PPP2R2A: variants seen among roughly 807,000 people sequenced by gnomAD.
PPP2R2A encodes serine/threonine-protein phosphatase 2A 55 kDa regulatory subunit B alpha isoform.
In PPP2R2A, 9 loss-of-function variants were observed where a neutral mutation model predicts 53.2. The observed-to-expected ratio is 0.17, with a 90% CI of 0.10 to 0.30. PPP2R2A has a LOEUF of 0.30. PPP2R2A is among the 10% of genes least tolerant of loss of function. The pLI, the probability that PPP2R2A is intolerant of heterozygous loss-of-function variation, is 1.00. For synonymous variants in PPP2R2A, 169 were observed against 174.2 expected (o/e 0.97, Z 0.23); for missense variants, 235 against 534.6 (o/e 0.44, Z 5.53).
In PPP2R2A at chr8:26,370,118, C is replaced by G; in HGVS notation, c.1065-16C>G. 6.2e-7 allele frequency: 1 copy of G among 1,607,448 alleles called. No individual in the cohort carries two copies. The highest frequency in any genetic ancestry group is 1.3e-5 in the African/African-American group (1 of 74,834). On this transcript the variant is annotated splice_polypyrimidine_tract_variant and intron_variant, in intron 9 of 9. Transcript: ENST00000380737. This position sits in a 1 kb window ranked among gnomAD's most constrained non-coding sequence, Gnocchi z 6.1. The stretch of plus-strand genomic sequence containing the variant: ...TGTTCTGCTTGTTTGACTGAGTGTA[C>G]TGTCTATTTTCACAGTGTTGTCATG...
chr8:26,298,337 T>C (rs2117191949), intron 2 of PPP2R2A, among the ~76,000 whole-genome samples: 2 of 152,372 alleles, frequency 1.3e-5, no homozygotes, highest in Admixed American at 1.3e-4. Flanking sequence ...GTTGTTCAAC[T>C]CTTCCGCTGG....
At chr8:26,307,717 C>CA (rs1398780372) in intron 2 of PPP2R2A, among the ~76,000 whole-genome samples, 2 of 152,154 alleles carry the variant, frequency 1.3e-5, no homozygotes, top group Non-Finnish European at 2.9e-5. Context: ...AATAAGTGCT[C>CA]AAGAGACTGA....
At chr8:26,369,911 T>G (rs1171070699) in intron 9 of PPP2R2A, among the ~76,000 whole-genome samples, 1 of 152,182 alleles carries the variant, frequency 6.6e-6, no homozygotes, top group Non-Finnish European at 1.5e-5. Context: ...CTGTCAACTT[T>G]GCTGATAGTT....
intron 2 of PPP2R2A, among the ~76,000 whole-genome samples, chr8:26,295,186 A>G (rs1801490962): frequency 6.6e-6 from 1 of 152,194 alleles, no homozygotes; most frequent in South Asian, 2.1e-4. Flanking sequence ...TTCCCTTAGG[A>G]AAGTTCCCCT....
intron 3 of PPP2R2A, among the ~76,000 whole-genome samples, chr8:26,344,023 C>T (rs1487230124): frequency 1.1e-4 from 17 of 152,114 alleles, no homozygotes; most frequent in Admixed American, 1.1e-3. Context: ...CTTTTGCCAG[C>T]TGGGGGCCCA....
chr8:26,297,835 A>G (rs892305545), intron 2 of PPP2R2A, among the ~76,000 whole-genome samples: 1 of 152,236 alleles, frequency 6.6e-6, no homozygotes, highest in Non-Finnish European at 1.5e-5. Flanking sequence ...GAGTATGAGT[A>G]TATTGAGGAT....
chr8:26,311,272 A>C (rs1165937564), intron 2 of PPP2R2A, among the ~76,000 whole-genome samples: 1 of 152,228 alleles, frequency 6.6e-6, no homozygotes, highest in Non-Finnish European at 1.5e-5. Flanking sequence ...CAGAATTAAC[A>C]GTTGATAGCA....
chr8:26,351,451 A>AGTGT (rs1804507682), intron 3 of PPP2R2A, among the ~76,000 whole-genome samples: 2 of 152,254 alleles, frequency 1.3e-5, no homozygotes, highest in African/African-American at 2.4e-5. Context: ...TTAGGTGTTC[A>AGTGT]GTGTGTGCCT....
intron 4 of PPP2R2A, among the ~76,000 whole-genome samples, chr8:26,357,283 AC>A (rs11365852): frequency 0.4 from 41,764 of 105,218 alleles, 7,720 homozygotes; most frequent in Admixed American, 0.51. Context: ...GCATAGTAAC[AC>A]CCCCCCCCCC....
At chr8:26,355,264 C>A (rs1449205821) in intron 4 of PPP2R2A, among the ~76,000 whole-genome samples, 2 of 152,126 alleles carry the variant, frequency 1.3e-5, no homozygotes, top group African/African-American at 4.8e-5. Context: ...GCCAAGGGAA[C>A]ATTTTTTGTT....
At chr8:26,333,456 C>T (rs778287246) in intron 2 of PPP2R2A, 2 of 1,094,856 alleles carry the variant, frequency 1.8e-6, no homozygotes, top group African/African-American at 3.2e-5. Context: ...CAGTTATAAC[C>T]CTCTTTGCAC....
At chr8:26,352,268 C>T (rs989150188) in intron 3 of PPP2R2A, among the ~76,000 whole-genome samples, 1 of 152,132 alleles carries the variant, frequency 6.6e-6, no homozygotes, top group Non-Finnish European at 1.5e-5. Context: ...GGTTATGTGT[C>T]TTCTTATTCA....
At position 26,354,689 on chromosome 8, in the gene PPP2R2A, C is replaced by T. The variant is rs1163491626; in HGVS notation, c.346+56C>T. The T allele has an allele frequency of 6.7e-6, 9 of 1,343,844 alleles. No individual in the cohort carries two copies. Among genetic ancestry groups the T allele is most frequent in the Admixed American group, 2.6e-5 (1 of 38,896 alleles). The allele number at this position is 1,343,844 out of a possible 1,614,324, so 83.2% of individuals were successfully genotyped here. ...CACTGTGTGTACCTGTTGCACATAT[C>T]CTGTAGCCTAGGAGAGGAATCATTT... On this transcript the variant is annotated intron_variant, in intron 4 of 9. Coordinates refer to ENST00000380737, the MANE Select transcript of PPP2R2A (RefSeq NM_002717.4). The surrounding 1 kb of genome is among the most constrained non-coding windows in gnomAD (Gnocchi z 4.6).
Position 26,310,656 on chromosome 8 carries a change from A to AT in PPP2R2A, c.82+16926dup, listed in dbSNP as rs201838902. Among the ~76,000 whole-genome samples, 563 of 112,096 alleles carry AT rather than the reference A, an allele frequency of 5.0e-3. 2 individuals carry two copies. Among genetic ancestry groups the AT allele is most frequent in the African/African-American group, 0.016 (467 of 29,576 alleles). 73.5% of individuals were successfully genotyped at this position (112,096 alleles called of 152,430 possible). The stretch of plus-strand genomic sequence containing the variant: ...TGGGATTGCTGGGTCGAAAGGTGTG[A>AT]TTTTTTTTTTCCTTTTTTTTTTTTT... On this transcript the variant is annotated intron_variant, in intron 2 of 9. Coordinates refer to ENST00000380737, the MANE Select transcript of PPP2R2A (RefSeq NM_002717.4).
At chr8:26,333,722 T>C (rs1803499352) in intron 2 of PPP2R2A, among the ~76,000 whole-genome samples, 1 of 152,224 alleles carries the variant, frequency 6.6e-6, no homozygotes, top group Non-Finnish European at 1.5e-5. Context: ...GTATGTGTTC[T>C]ATTGTGTTTC....
chr8:26,328,065 T>C (rs1461396314), intron 2 of PPP2R2A, among the ~76,000 whole-genome samples: 1 of 152,168 alleles, frequency 6.6e-6, no homozygotes, highest in African/African-American at 2.4e-5. Flanking sequence ...AGATTAATAT[T>C]AGGAAATGCA....
rs1392234331 is a variant in PPP2R2A at position 26,321,034 on chromosome 8, A to G, written c.83-17856A>G. Among the ~76,000 whole-genome samples the G allele has an allele frequency of 6.6e-6, 1 of 152,230 alleles. No individual in the cohort carries two copies. The highest frequency in any genetic ancestry group is 1.5e-5 in the Non-Finnish European group (1 of 68,048). On this transcript the variant is annotated intron_variant, in intron 2 of 9. Transcript: ENST00000380737. The surrounding 1 kb of genome is among the most constrained non-coding windows in gnomAD (Gnocchi z 4.1). ...CACTGAAATGACCAACGAGCATAAT[A>G]AGGAGAATTCAGTATCCTTGGAAAC... is the stretch of plus-strand genomic sequence containing the variant.
At chr8:26,346,114 CG>C (rs1804198240) in intron 3 of PPP2R2A, among the ~76,000 whole-genome samples, 1 of 113,716 alleles carries the variant, frequency 8.8e-6, no homozygotes, top group South Asian at 3.3e-4. Flanking sequence ...GATTACCAGT[CG>C]GGTTATTATT....
chr8:26,328,941 G>GC (rs2117291950), intron 2 of PPP2R2A, among the ~76,000 whole-genome samples: 1 of 152,228 alleles, frequency 6.6e-6, no homozygotes, highest in African/African-American at 2.4e-5. Context: ...TACATAATTT[G>GC]CAGTTTGCAT....
Sources: gnomAD v4.1 joint callset for allele counts (sites outside exome capture counted in the v4.1 genomes callset) on GRCh38, gnomAD v4.1.1 for gene constraint, Gnocchi (gnomAD v3.1) non-coding constraint, MANE v1.5 for transcripts, NCBI Gene and HGNC (gene_info 2026-07-23, HGNC 2026-07-21) for gene names.